The following TFDP2 variants were observed in gnomAD, a reference collection of about 807,000 sequenced individuals.
TFDP2 encodes the protein transcription factor Dp-2 (E2F dimerization partner 2).
In TFDP2, 17 loss-of-function variants were observed where a neutral mutation model predicts 59.3. The observed-to-expected ratio is 0.29, with a 90% CI of 0.20 to 0.43. The LOEUF is 0.43. TFDP2 is among the 20% of genes least tolerant of loss of function. The pLI is 1.00. For missense variants in TFDP2, 391 were observed against 528.8 expected (o/e 0.74, Z 2.56); for synonymous variants, 180 against 194.7 (o/e 0.92, Z 0.63).
intron 1 of TFDP2, among the ~76,000 whole-genome samples, chr3:142,138,348 A>G (rs1489683403): frequency 6.6e-6 from 1 of 151,922 alleles, no homozygotes; most frequent in Non-Finnish European, 1.5e-5. Flanking sequence ...TTTTTTGAAG[A>G]GTTTTTTGTG....
At chr3:142,096,719 T>C (rs974517332) in intron 2 of TFDP2, among the ~76,000 whole-genome samples, 5 of 152,198 alleles carry the variant, frequency 3.3e-5, no homozygotes, top group East Asian at 3.8e-4. Context: ...TGTAATTTCA[T>C]TGATATTCAA....
chr3:142,052,335 T>A (rs1323677216), intron 3 of TFDP2, among the ~76,000 whole-genome samples: 6 of 151,336 alleles, frequency 4.0e-5, no homozygotes, highest in Non-Finnish European at 5.9e-5. Context: ...CAGGAGATCA[T>A]GACCATCCTG....
At chr3:142,148,728 G>GAA (rs1464010492) in intron 1 of TFDP2, among the ~76,000 whole-genome samples, 1 of 152,190 alleles carries the variant, frequency 6.6e-6, no homozygotes, top group Admixed American at 6.5e-5. Context: ...CTACTTCAGA[G>GAA]AAAAGTTCCT....
At chr3:142,136,476 T>C (rs1339668040) in intron 1 of TFDP2, among the ~76,000 whole-genome samples, 2 of 151,934 alleles carry the variant, frequency 1.3e-5, no homozygotes, top group African/African-American at 4.8e-5. Context: ...TTTGGTGTTT[T>C]AGTCATGAAG....
chr3:142,087,345 T>A (rs1039009501), intron 3 of TFDP2, among the ~76,000 whole-genome samples: 5 of 152,180 alleles, frequency 3.3e-5, no homozygotes, highest in African/African-American at 1.2e-4. Context: ...TAACACATGG[T>A]AAGTATTTGT....
intron 3 of TFDP2, among the ~76,000 whole-genome samples, chr3:142,012,810 T>G (rs959879724): frequency 7.2e-5 from 11 of 152,096 alleles, no homozygotes; most frequent in African/African-American, 2.7e-4. Context: ...TAAAAAAACA[T>G]TTTATGAAGA....
At chr3:142,020,266 T>C (rs1203265540) in intron 3 of TFDP2, among the ~76,000 whole-genome samples, 4 of 152,168 alleles carry the variant, frequency 2.6e-5, no homozygotes, top group Non-Finnish European at 4.4e-5. Context: ...CCAGGGACGG[T>C]GGCTCACGTC....
chr3:141,973,711 C>T (rs1294540080), intron 8 of TFDP2, among the ~76,000 whole-genome samples: 2 of 135,788 alleles, frequency 1.5e-5, no homozygotes, highest in Non-Finnish European at 3.1e-5. Flanking sequence ...TGGATACATA[C>T]AGCAAGCATC....
At chr3:142,101,572 C>T (rs1198617887) in intron 2 of TFDP2, among the ~76,000 whole-genome samples, 163 bp downstream of exon 2, 1 of 152,112 alleles carries the variant, frequency 6.6e-6, no homozygotes, top group Non-Finnish European at 1.5e-5. Flanking sequence ...CATATTCAAT[C>T]GCATTAAAGC....
At chr3:141,992,582 G>C (rs1479654988) in intron 6 of TFDP2, among the ~76,000 whole-genome samples, 1 of 152,190 alleles carries the variant, frequency 6.6e-6, no homozygotes, top group Non-Finnish European at 1.5e-5. Flanking sequence ...GTTGGAAAGA[G>C]GACTTTCTGT....
chr3:142,115,837 G>A (rs989617309), intron 1 of TFDP2, among the ~76,000 whole-genome samples: 2 of 152,044 alleles, frequency 1.3e-5, no homozygotes, highest in Admixed American at 6.6e-5. Flanking sequence ...GTGGCTATAC[G>A]AATCTATACA....
chr3:141,978,664 T>A lies in TFDP2; in HGVS notation c.375A>T (p.Gly125=). 6.2e-7 allele frequency: 1 copy of A among 1,608,372 alleles called. No individual in the cohort carries two copies. Among genetic ancestry groups the A allele is most frequent in the Middle Eastern group, 1.7e-4 (1 of 6,034 alleles). ...GTCTCAAGCCTTTCCCATTTTTATC[T>A]CCTTTTTTGCTTCGTTTACTAGAAG... ...DFSESKRSKK[G]DKNGKGLRHF... is the part of the protein sequence containing the mutation. Residue 125 remains glycine (G), a synonymous_variant, in exon 7 of 13, where the codon GGA becomes GGT. Coordinates refer to ENST00000489671, the MANE Select transcript of TFDP2 (RefSeq NM_001178139.2).
intron 4 of TFDP2, among the ~76,000 whole-genome samples, chr3:141,999,579 C>T (rs1488018190): frequency 6.6e-6 from 1 of 152,144 alleles, no homozygotes; most frequent in Non-Finnish European, 1.5e-5. Context: ...ATAGGTACTG[C>T]TAAACTAGTT....
rs907603515 is a variant in TFDP2, at chr3:141,946,600, T to C, written c.*5913A>G. The C allele has an allele frequency of 6.6e-6, 1 of 152,234 alleles. No individual in the cohort carries two copies. Among genetic ancestry groups the C allele is most frequent in the Non-Finnish European group, 1.5e-5 (1 of 68,042 alleles). The allele number at this position is 152,234 out of a possible 1,614,324, so 9.4% of individuals were successfully genotyped here. Reference sequence around the variant, plus strand: ...ACTCACTTTTTCTTCTTTAGCATACTGTGGAGTGAGACATGTGGGAAAATC... The same window carrying C: ...ACTCACTTTTTCTTCTTTAGCATACCGTGGAGTGAGACATGTGGGAAAATC... On this transcript the variant is annotated 3_prime_UTR_variant, in exon 13 of 13. Transcript: ENST00000489671.
At chr3:141,961,861 C>CCCCTG (rs1343077984) in intron 10 of TFDP2, among the ~76,000 whole-genome samples, 2 of 152,124 alleles carry the variant, frequency 1.3e-5, no homozygotes, top group African/African-American at 4.8e-5. Context: ...CCGCTTGAGC[C>CCCCTG]CAGGAGTTTG....
intron 4 of TFDP2, among the ~76,000 whole-genome samples, chr3:142,002,919 GGCTCACTCT>G (rs1312104405): frequency 6.6e-6 from 1 of 152,086 alleles, no homozygotes; most frequent in Non-Finnish European, 1.5e-5. Context: ...AAATTCAGAA[GGCTCACTCT>G]CTGCTTCATA....
intron 3 of TFDP2, among the ~76,000 whole-genome samples, chr3:142,040,944 G>T (rs1008636302): frequency 6.6e-6 from 1 of 152,130 alleles, no homozygotes; most frequent in Non-Finnish European, 1.5e-5. Flanking sequence ...CACTAAAAAT[G>T]TATTGTGGGG....
At chr3:141,994,197 G>C (rs1277278400) in intron 5 of TFDP2, 1 of 152,154 alleles carries the variant, frequency 6.6e-6, no homozygotes, top group East Asian at 1.9e-4. Context: ...ATGTATTTAT[G>C]TATATTAATA....
intron 3 of TFDP2, among the ~76,000 whole-genome samples, chr3:142,059,226 GC>G (rs138018915): frequency 0.012 from 1,867 of 152,186 alleles, 40 homozygotes; most frequent in African/African-American, 0.043. Context: ...GAAGCTTCAG[GC>G]CTAAGCCTCA....
Sources: gnomAD v4.1 joint callset for allele counts (sites outside exome capture counted in the v4.1 genomes callset) on GRCh38, gnomAD v4.1.1 for gene constraint, MANE v1.5 for transcripts, NCBI Gene and HGNC (gene_info 2026-07-23, HGNC 2026-07-21) for gene names.